The following GADL1 variants were observed in gnomAD, a reference collection of about 807,000 sequenced individuals.
The protein encoded by GADL1 is acidic amino acid decarboxylase GADL1.
In GADL1, 71 loss-of-function variants were observed where a neutral mutation model predicts 69.5. The observed-to-expected ratio is 1.02, with a 90% CI of 0.84 to 1.25. The LOEUF is 1.25. Ranked by LOEUF, GADL1 falls within the 50% of genes most tolerant of loss-of-function variation. GADL1 has a pLI of 0.00. For synonymous variants in GADL1, 254 were observed against 214.4 expected (o/e 1.18, Z -1.62); for missense variants, 737 against 631.8 (o/e 1.17, Z -1.79).
At chr3:30,873,424 G>T (rs539281056) in intron 1 of GADL1, among the ~76,000 whole-genome samples, 81 of 152,032 alleles carry the variant, frequency 5.3e-4, no homozygotes, top group African/African-American at 2.0e-3. Context: ...GGTGGAGCCA[G>T]AATTCAAAGC....
intron 14 of GADL1, among the ~76,000 whole-genome samples, chr3:30,755,086 A>G (rs995364900): frequency 1.3e-5 from 2 of 152,166 alleles, no homozygotes; most frequent in African/African-American, 4.8e-5. Context: ...GGGACAACGC[A>G]GTGCTTCACA....
At chr3:30,878,342 T>C (rs1304296759) in intron 1 of GADL1, among the ~76,000 whole-genome samples, 1 of 151,940 alleles carries the variant, frequency 6.6e-6, no homozygotes, top group Non-Finnish European at 1.5e-5. Context: ...ATTTCTAAAA[T>C]CGTCCAGGAC....
chr3:30,876,998 A>T (rs1698584627), intron 1 of GADL1, among the ~76,000 whole-genome samples: 1 of 151,898 alleles, frequency 6.6e-6, no homozygotes, highest in Non-Finnish European at 1.5e-5. Flanking sequence ...GAAAAATCTA[A>T]CAAATACCTA....
At chr3:30,826,473 A>G (rs916083604) in intron 11 of GADL1, among the ~76,000 whole-genome samples, 1 of 151,882 alleles carries the variant, frequency 6.6e-6, no homozygotes, top group African/African-American at 2.4e-5. Context: ...ACAAATAGGC[A>G]GAAAATATAA....
chr3:30,736,259 G>A (rs1266639744), intron 14 of GADL1, among the ~76,000 whole-genome samples: 1 of 151,962 alleles, frequency 6.6e-6, no homozygotes, highest in Non-Finnish European at 1.5e-5. Context: ...GGATTAGACC[G>A]ACCATACACA....
At chr3:30,880,413 T>C (rs1012125884) in intron 1 of GADL1, among the ~76,000 whole-genome samples, 1 of 151,612 alleles carries the variant, frequency 6.6e-6, no homozygotes, top group Non-Finnish European at 1.5e-5. Context: ...TGGGAGTGGG[T>C]TTTTCCCATG....
At chr3:30,755,198 T>G (rs910617853) in intron 14 of GADL1, among the ~76,000 whole-genome samples, 1 of 152,164 alleles carries the variant, frequency 6.6e-6, no homozygotes, top group Non-Finnish European at 1.5e-5. Context: ...CTGTAAATCA[T>G]ATCATTTATA....
At position 30,754,642 on chromosome 3, in the gene GADL1, A is replaced by C. The variant is rs1184461903; in HGVS notation, c.1392+23537T>G. ...AATGAGCCAAGAATACAAAAAAAAA[A>C]CTGCCTGTGAAATTATACTGCAGAC... On this transcript the variant is annotated intron_variant, in intron 14 of 14. Transcript: ENST00000282538. Among the ~76,000 whole-genome samples the C allele has an allele frequency of 2.7e-5, 4 of 150,402 alleles. No homozygotes were observed. The East Asian group carries it at 7.8e-4, about 29-fold the overall frequency.
intron 9 of GADL1, among the ~76,000 whole-genome samples, chr3:30,835,921 G>T (rs368086062): frequency 1.3e-5 from 2 of 152,006 alleles, no homozygotes; most frequent in East Asian, 1.9e-4. Flanking sequence ...AGCCACAAAG[G>T]CAAATGCCCT....
chr3:30,764,528 C>T (rs1240782458), intron 14 of GADL1, among the ~76,000 whole-genome samples: 1 of 152,056 alleles, frequency 6.6e-6, no homozygotes, highest in Non-Finnish European at 1.5e-5. Context: ...CTACTTGGTC[C>T]CTTGTTATTT....
Position 30,801,045 on chromosome 3 carries a change from A to G in GADL1, c.1094T>C (p.Phe365Ser). ...KCYSAKASYLFQQDKFYDVSY... is the reference protein window; with the variant it reads ...KCYSAKASYLSQQDKFYDVSY... ...CACATCATAGAATTTATCCTGCTGGAAGAGGTAAGATGCCTTGGCAGAGTA... is the reference window on the plus strand; with the variant it reads ...CACATCATAGAATTTATCCTGCTGGGAGAGGTAAGATGCCTTGGCAGAGTA... Residue 365 changes from phenylalanine (F) to serine (S), a missense_variant, in exon 12 of 15, where the codon TTC becomes TCC. Coordinates refer to ENST00000282538, the MANE Select transcript of GADL1 (RefSeq NM_207359.3). The G allele has an allele frequency of 6.2e-7, 1 of 1,614,024 alleles. No homozygotes were observed. The highest frequency in any genetic ancestry group is 1.7e-4 in the Middle Eastern group (1 of 6,054).
chr3:30,872,256 A>G (rs1173692451), intron 1 of GADL1, among the ~76,000 whole-genome samples: 1 of 151,894 alleles, frequency 6.6e-6, no homozygotes, highest in Non-Finnish European at 1.5e-5. Context: ...TTACTCGATC[A>G]TATCCTTTAA....
chr3:30,810,673 G>A (rs1409182916), intron 11 of GADL1, among the ~76,000 whole-genome samples: 1 of 152,116 alleles, frequency 6.6e-6, no homozygotes, highest in Non-Finnish European at 1.5e-5. Context: ...GCATGTTTGT[G>A]CAGTGGGCAA....
Position 30,735,221 on chromosome 3 carries a change from C to T in GADL1, c.1393-6806G>A, listed in dbSNP as rs114450419. 4.5e-3 allele frequency among the ~76,000 whole-genome samples: 678 copies of T among 151,412 alleles called. 6 individuals carry two copies. Among genetic ancestry groups the T allele is most frequent in the African/African-American group, 0.015 (624 of 40,790 alleles). ...TCACACTATACAATTTAACCTTCTA[C>T]GGCAATTGTTTGTTAATGAAAAATT... is the stretch of plus-strand genomic sequence containing the variant. On this transcript the variant is annotated intron_variant, in intron 14 of 14. Transcript: ENST00000282538.
intron 1 of GADL1, among the ~76,000 whole-genome samples, chr3:30,884,415 AGGT>A (rs911541644): frequency 6.6e-6 from 1 of 152,030 alleles, no homozygotes; most frequent in Non-Finnish European, 1.5e-5. Context: ...GTCCTTAAAG[AGGT>A]GGTGGCAACA....
intron 1 of GADL1, among the ~76,000 whole-genome samples, chr3:30,889,084 T>TTAAAAA (rs747921613): frequency 9.1e-5 from 3 of 32,916 alleles, no homozygotes; most frequent in Non-Finnish European, 1.3e-4. Flanking sequence ...CGGTAATCTA[T>TTAAAAA]AAAAAAAAAA....
chr3:30,765,677 T>G (rs796069252), intron 14 of GADL1, among the ~76,000 whole-genome samples: 3 of 152,290 alleles, frequency 2.0e-5, no homozygotes, highest in African/African-American at 7.2e-5. Context: ...GAGCCCCACA[T>G]TTTTATTTTG....
At chr3:30,874,485 G>T (rs1698549165) in intron 1 of GADL1, among the ~76,000 whole-genome samples, 1 of 151,918 alleles carries the variant, frequency 6.6e-6, no homozygotes, top group Non-Finnish European at 1.5e-5. Context: ...GGCCATTTAT[G>T]TGTAAGATTT....
At chr3:30,882,139 A>C (rs1698652291) in intron 1 of GADL1, among the ~76,000 whole-genome samples, 1 of 151,914 alleles carries the variant, frequency 6.6e-6, no homozygotes, top group East Asian at 1.9e-4. Context: ...TATTTTTTTT[A>C]ATTAGGTATT....
Sources: gnomAD v4.1 joint callset for allele counts (sites outside exome capture counted in the v4.1 genomes callset) on GRCh38, gnomAD v4.1.1 for gene constraint, MANE v1.5 for transcripts, NCBI Gene and HGNC (gene_info 2026-07-23, HGNC 2026-07-21) for gene names.